NBEA: variants seen among roughly 807,000 people sequenced by gnomAD.
NBEA encodes the protein lysosomal-trafficking regulator 2.
A neutral mutation model predicts 343.4 loss-of-function variants in NBEA; 44 were observed. The observed-to-expected ratio is 0.13, with a 90% CI of 0.10 to 0.16. The LOEUF (loss-of-function observed/expected upper bound fraction) is 0.16. Among genes scored for constraint, NBEA ranks in the 10% least tolerant of loss-of-function variants. NBEA has a pLI of 1.00. For missense variants in NBEA, 2,555 were observed against 3,631.3 expected (o/e 0.70, Z 7.62); for synonymous variants, 1,175 against 1,238.7 (o/e 0.95, Z 1.08).
intron 36 of NBEA, among the ~76,000 whole-genome samples, chr13:35,344,868 A>G (rs543106): frequency 0.22 from 33,648 of 151,956 alleles, 4,274 homozygotes; most frequent in African/African-American, 0.34. Context: ...AGAGATCAGA[A>G]ACAGGGAATG....
At chr13:35,135,452 T>TA (rs58776629) in intron 17 of NBEA, among the ~76,000 whole-genome samples, 6,724 of 152,080 alleles carry the variant, frequency 0.044, 271 homozygotes, top group African/African-American at 0.1. Context: ...TGAAAACCAT[T>TA]AAAAATTAAA....
At position 35,618,605 on chromosome 13, in the gene NBEA, A is replaced by G. The variant is rs551244732; in HGVS notation, c.7450-9476A>G. On this transcript the variant is annotated intron_variant, in intron 48 of 58. Transcript: ENST00000379939. Reference sequence around the variant, plus strand: ...ACAGACACATTTAGTAGACATTTCAATGCATTCTAAGGTCATTAAGTTTAT... The same window carrying G: ...ACAGACACATTTAGTAGACATTTCAGTGCATTCTAAGGTCATTAAGTTTAT... Among the ~76,000 whole-genome samples, 4 of 152,332 alleles carry G rather than the reference A, an allele frequency of 2.6e-5. No homozygotes were observed. In the South Asian group the frequency reaches 8.3e-4, roughly 32 times the overall value.
intron 38 of NBEA, among the ~76,000 whole-genome samples, chr13:35,365,744 T>C (rs927256399): frequency 1.3e-5 from 2 of 151,774 alleles, no homozygotes; most frequent in Non-Finnish European, 3.0e-5. Flanking sequence ...ATTATGTAAA[T>C]ATATGTTAAA....
At chr13:34,981,165 C>T (rs2060344299) in intron 1 of NBEA, among the ~76,000 whole-genome samples, 1 of 152,154 alleles carries the variant, frequency 6.6e-6, no homozygotes, top group South Asian at 2.1e-4. Flanking sequence ...CATGGAGTCA[C>T]ACAATGTGTG....
intron 38 of NBEA, among the ~76,000 whole-genome samples, chr13:35,361,105 G>C (rs1207861059): frequency 6.6e-6 from 1 of 151,836 alleles, no homozygotes; most frequent in Admixed American, 6.6e-5. Flanking sequence ...AATCTTGAAA[G>C]AAAATACAGG....
intron 1 of NBEA, among the ~76,000 whole-genome samples, chr13:34,967,883 A>G (rs1046829680): frequency 1.3e-5 from 2 of 152,044 alleles, no homozygotes; most frequent in African/African-American, 4.8e-5. Context: ...GAATCCTTCA[A>G]TTCTGACACT....
intron 1 of NBEA, among the ~76,000 whole-genome samples, chr13:34,949,973 G>A (rs935060277): frequency 6.6e-6 from 1 of 152,094 alleles, no homozygotes; most frequent in African/African-American, 2.4e-5. Context: ...GAGATGGGTG[G>A]GTAGCCAAGG....
intron 1 of NBEA, among the ~76,000 whole-genome samples, chr13:35,039,460 T>TA (rs1371446440): frequency 6.6e-6 from 1 of 152,080 alleles, no homozygotes; most frequent in Non-Finnish European, 1.5e-5. Flanking sequence ...ACCTCCCTCC[T>TA]AAAAAATATT....
intron 13 of NBEA, among the ~76,000 whole-genome samples, chr13:35,113,587 A>ATCTG (rs1215413797): frequency 4.2e-4 from 3 of 7,134 alleles, no homozygotes; most frequent in Non-Finnish European, 1.4e-3. Flanking sequence ...TCCTCCACTC[A>ATCTG]TCTATCTATC....
chr13:35,052,034 A>G (rs528922386), intron 6 of NBEA, among the ~76,000 whole-genome samples: 34 of 152,130 alleles, frequency 2.2e-4, no homozygotes, highest in African/African-American at 7.7e-4. Context: ...TCCTTTGTAA[A>G]GCTCTCAATA....
chr13:35,111,690 T>C (rs2066215231), intron 13 of NBEA, among the ~76,000 whole-genome samples: 1 of 152,050 alleles, frequency 6.6e-6, no homozygotes, highest in Non-Finnish European at 1.5e-5. Context: ...CTGTAAATGT[T>C]AGAGCATTCT....
At chr13:35,447,378 A>G (rs748106043) in intron 39 of NBEA, among the ~76,000 whole-genome samples, 38 of 152,144 alleles carry the variant, frequency 2.5e-4, no homozygotes, top group Admixed American at 7.2e-4. Context: ...CCTTTAAAAT[A>G]TACCTTTTTT....
chr13:35,487,462 A>C (rs1393407352), intron 41 of NBEA, among the ~76,000 whole-genome samples: 1 of 151,948 alleles, frequency 6.6e-6, no homozygotes, highest in Admixed American at 6.6e-5. Flanking sequence ...GACATTTTAT[A>C]TCAGGGCAGG....
chr13:35,168,954 G>A, intron 24 of NBEA, 33 bp from the exon 25 acceptor site: 2 of 1,370,378 alleles, frequency 1.5e-6, no homozygotes, highest in Non-Finnish European at 9.5e-7. Flanking sequence ...GTACTTTTTG[G>A]TCTGTTGTCT....
intron 18 of NBEA, among the ~76,000 whole-genome samples, chr13:35,151,174 A>G (rs2068760508): frequency 6.6e-6 from 1 of 151,628 alleles, no homozygotes; most frequent in African/African-American, 2.4e-5. Flanking sequence ...AAGTCTTATT[A>G]GGATAAAGAC....
chr13:35,069,938 A>G lies in NBEA; in HGVS notation c.1270A>G (p.Ile424Val). Residue 424 changes from isoleucine (I) to valine (V), a missense_variant, in exon 9 of 59, where the codon ATT becomes GTT. Ile to Val is a conservative substitution (Grantham distance 29, BLOSUM62 3). Around this residue, in one of 21 missense-constraint regions of NBEA, gnomAD observed 75 missense variants for 237.4 expected, o/e 0.32. Coordinates refer to ENST00000379939, the MANE Select transcript of NBEA (RefSeq NM_001385012.1). ...STFKFKSESDIHLAEHHKQVL... is the reference protein window; with the variant it reads ...STFKFKSESDVHLAEHHKQVL... Reference sequence around the variant, plus strand: ...CTTCAAGTTTAAATCTGAGAGTGATATTCATTTGGCAGAACATCATAAACA... The same window carrying G: ...CTTCAAGTTTAAATCTGAGAGTGATGTTCATTTGGCAGAACATCATAAACA... The G allele has an allele frequency of 1.3e-6, 2 of 1,586,114 alleles. No individual in the cohort carries two copies. The highest frequency in any genetic ancestry group is 8.6e-7 in the Non-Finnish European group (1 of 1,165,940).
At chr13:35,470,354 A>G (rs1395450091) in intron 40 of NBEA, among the ~76,000 whole-genome samples, 2 of 151,630 alleles carry the variant, frequency 1.3e-5, no homozygotes, top group African/African-American at 2.4e-5. Context: ...ATCAATGGGT[A>G]TGGTTTTGAT....
At chr13:35,150,856 A>G (rs909681855) in intron 18 of NBEA, among the ~76,000 whole-genome samples, 9 of 139,222 alleles carry the variant, frequency 6.5e-5, no homozygotes, top group African/African-American at 2.5e-4. Flanking sequence ...TGACTCATGC[A>G]TGTAATCCCA....
chr13:35,277,599 C>CA (rs1201531551), intron 34 of NBEA, among the ~76,000 whole-genome samples: 2 of 58,424 alleles, frequency 3.4e-5, no homozygotes, highest in African/African-American at 1.5e-4. Flanking sequence ...CCAGCCTGGG[C>CA]AACAAGAAAG....
Sources: allele counts gnomAD v4.1 joint callset (sites outside exome capture counted in the v4.1 genomes callset), GRCh38; gene constraint gnomAD v4.1.1; regional missense constraint gnomAD v4.1.1; transcripts MANE v1.5; gene names NCBI Gene and HGNC (gene_info 2026-07-23, HGNC 2026-07-21).